SOX6: variants seen among roughly 807,000 people sequenced by gnomAD.
The protein encoded by SOX6 is transcription factor SOX-6.
A neutral mutation model predicts 97.8 loss-of-function variants in SOX6; 11 were observed. That is an observed-to-expected ratio of 0.11 (90% CI 0.07 to 0.19). The LOEUF (loss-of-function observed/expected upper bound fraction) is 0.19, where lower values mean the gene tolerates loss of function less well. Among genes scored for constraint, SOX6 ranks in the 10% least tolerant of loss-of-function variants. The pLI is 1.00. For synonymous variants in SOX6, 360 were observed against 371.4 expected (o/e 0.97, Z 0.35); for missense variants, 810 against 1,039.5 (o/e 0.78, Z 3.04).
At chr11:16,603,016 G>A (rs970386560) in intron 4 of SOX6, among the ~76,000 whole-genome samples, 4 of 151,106 alleles carry the variant, frequency 2.6e-5, no homozygotes, top group African/African-American at 7.3e-5. Context: ...GCCAGATTCC[G>A]TCTCAAATAA....
chr11:16,344,770 T>C (rs1456694177), intron 1 of SOX6, among the ~76,000 whole-genome samples: 3 of 151,946 alleles, frequency 2.0e-5, no homozygotes, highest in Non-Finnish European at 2.9e-5. Context: ...CTTTGTTTTA[T>C]TTTTGCACTA....
At chr11:16,297,141 TAACTA>T (rs1010271815) in intron 3 of SOX6, among the ~76,000 whole-genome samples, 1 of 152,168 alleles carries the variant, frequency 6.6e-6, no homozygotes, top group African/African-American at 2.4e-5. Context: ...AACATTTAAT[TAACTA>T]ATGTTACTTT....
At position 15,979,330 on chromosome 11, in the gene SOX6, T is replaced by TGGA. The variant is rs1257396787; in HGVS notation, c.2184-6219_2184-6218insTCC. ...ATCTACTTCTTACCACCTCCACCCCTACAAACCTGGAACAAACCACCATCA... is the reference window on the plus strand; with the variant it reads ...ATCTACTTCTTACCACCTCCACCCCTGGAACAAACCTGGAACAAACCACCATCA... On this transcript the variant is annotated intron_variant, in intron 15 of 15. Coordinates refer to ENST00000683767, the MANE Select transcript of SOX6 (RefSeq NM_001367873.1). Among the ~76,000 whole-genome samples the TGGA allele has an allele frequency of 4.9e-3, 748 of 152,038 alleles. 8 individuals carry two copies. The South Asian group carries it at 0.051, about 10-fold the overall frequency.
intron 2 of SOX6, among the ~76,000 whole-genome samples, chr11:16,329,979 T>TCTA (rs1856234899): frequency 6.6e-6 from 1 of 152,212 alleles, no homozygotes; most frequent in Admixed American, 6.5e-5. Context: ...CCTCTCTTCA[T>TCTA]CTAGGGAAAA....
At chr11:16,641,897 C>T (rs1590031034) in intron 3 of SOX6, among the ~76,000 whole-genome samples, 1 of 152,190 alleles carries the variant, frequency 6.6e-6, no homozygotes, top group Non-Finnish European at 1.5e-5. Flanking sequence ...GAGCATTTAG[C>T]CCATTTACAC....
chr11:16,251,813 T>C (rs892867845), intron 3 of SOX6, among the ~76,000 whole-genome samples: 3 of 152,050 alleles, frequency 2.0e-5, no homozygotes, highest in African/African-American at 7.2e-5. Context: ...TCAAAAAAAT[T>C]AGCAAATATA....
intron 9 of SOX6, among the ~76,000 whole-genome samples, chr11:16,081,345 C>T (rs1484246225): frequency 5.3e-5 from 8 of 152,098 alleles, no homozygotes; most frequent in Admixed American, 4.6e-4. Context: ...TCACCCTTGG[C>T]TCTTCATGTA....
intron 4 of SOX6, among the ~76,000 whole-genome samples, chr11:16,566,739 A>C (rs1847876899): frequency 6.6e-6 from 1 of 152,228 alleles, no homozygotes; most frequent in African/African-American, 2.4e-5. Context: ...GGAAAGGTAA[A>C]ATGATGCAGC....
chr11:15,988,719 C>T (rs1025386089), intron 14 of SOX6, among the ~76,000 whole-genome samples: 1 of 152,218 alleles, frequency 6.6e-6, no homozygotes, highest in African/African-American at 2.4e-5. Context: ...ACAGTATTAA[C>T]ACATACTATA....
chr11:16,519,936 C>A (rs944096719), intron 4 of SOX6, among the ~76,000 whole-genome samples: 2 of 152,100 alleles, frequency 1.3e-5, no homozygotes, highest in African/African-American at 2.4e-5. Context: ...ATTTGCATTT[C>A]TCTGATGAAT....
At chr11:16,359,607 T>C (rs571785166), upstream of SOX6, among the ~76,000 whole-genome samples, 12 of 152,290 alleles carry the variant, frequency 7.9e-5, no homozygotes, top group Admixed American at 3.9e-4. Flanking sequence ...CGACATGTGA[T>C]ACTGACCAGT....
intron 2 of SOX6, among the ~76,000 whole-genome samples, chr11:16,336,649 C>T (rs1276883846): frequency 6.6e-6 from 1 of 152,056 alleles, no homozygotes; most frequent in African/African-American, 2.4e-5. Context: ...CATGTTACTC[C>T]CTTGCTTAAA....
intron 3 of SOX6, among the ~76,000 whole-genome samples, chr11:16,269,217 T>C (rs1485317444): frequency 1.3e-5 from 2 of 150,070 alleles, no homozygotes; most frequent in Non-Finnish European, 3.0e-5. Context: ...CTTCATTATA[T>C]ACTAAACTTC....
At chr11:16,385,732 T>A (rs1206487959) in intron 1 of SOX6, among the ~76,000 whole-genome samples, 1 of 152,184 alleles carries the variant, frequency 6.6e-6, no homozygotes, top group Non-Finnish European at 1.5e-5. Context: ...TAAATATGTT[T>A]TTGGTTCTGA....
rs116222325 is a variant in SOX6 at position 16,734,457 on chromosome 11, C to T, written n.353+1882G>A. 7.3e-3 allele frequency among the ~76,000 whole-genome samples: 1,110 copies of T among 152,216 alleles called. 11 individuals carry two copies. Among genetic ancestry groups the T allele is most frequent in the African/African-American group, 0.026 (1,063 of 41,518 alleles). On this transcript the variant is annotated intron_variant and non_coding_transcript_variant, in intron 2 of 5. Transcript: ENST00000524520. ...CTCCTTCTTCTAGTTCTATGTCTAC[C>T]TTCTAACCTCAGGCTCTTCTTCCTC... is the stretch of plus-strand genomic sequence containing the variant.
At chr11:16,457,024 T>C (rs1330719501) in intron 1 of SOX6, among the ~76,000 whole-genome samples, 2 of 152,130 alleles carry the variant, frequency 1.3e-5, no homozygotes, top group African/African-American at 2.4e-5. Flanking sequence ...CTGATTTTTA[T>C]GCACAGAATG....
At chr11:16,024,988 T>C (rs990598045) in intron 12 of SOX6, among the ~76,000 whole-genome samples, 4 of 152,132 alleles carry the variant, frequency 2.6e-5, no homozygotes, top group Non-Finnish European at 4.4e-5. Context: ...AGATGATAAA[T>C]GATACAGTAG....
intron 7 of SOX6, among the ~76,000 whole-genome samples, chr11:16,109,295 G>A (rs762932501): frequency 1.3e-5 from 2 of 152,050 alleles, no homozygotes; most frequent in African/African-American, 2.4e-5. Flanking sequence ...CAACCTACCG[G>A]GCTCAAGCAA....
chr11:16,104,073 AGAG>A (rs1849015387), intron 7 of SOX6, among the ~76,000 whole-genome samples: 1 of 152,008 alleles, frequency 6.6e-6, no homozygotes, highest in African/African-American at 2.4e-5. Context: ...CTCCATCTAC[AGAG>A]GAGAACACAG....
Sources: gnomAD v4.1 joint callset for allele counts (sites outside exome capture counted in the v4.1 genomes callset) on GRCh38, gnomAD v4.1.1 for gene constraint, MANE v1.5 for transcripts, NCBI Gene and HGNC (gene_info 2026-07-23, HGNC 2026-07-21) for gene names.